Variants in ZNF385D observed in about 807,000 individuals in gnomAD.
ZNF385D encodes zinc finger protein 385D, also known as zinc finger protein 659.
Under a neutral mutation model 35.8 loss-of-function variants are expected in ZNF385D, and 15 were observed. The observed-to-expected ratio is 0.42, with a 90% CI of 0.28 to 0.64. The LOEUF (loss-of-function observed/expected upper bound fraction) is 0.64, where lower values mean the gene tolerates loss of function less well. ZNF385D is among the 30% of genes least tolerant of loss of function. The pLI is 0.23. For synonymous variants in ZNF385D, 212 were observed against 186.8 expected, an observed-to-expected ratio of 1.13 and a Z score of -1.10; for missense variants, 474 against 494.6, an observed-to-expected ratio of 0.96 and a Z score of 0.39.
chr3:21,971,274 T>C (rs577979331), intron 3 of ZNF385D, among the ~76,000 whole-genome samples: 32 of 152,016 alleles, frequency 2.1e-4, no homozygotes, highest in Admixed American at 7.2e-4. Flanking sequence ...ACTTAAGACA[T>C]AGCATAATAA....
rs192879904 is a variant in ZNF385D, at chr3:22,270,033, C to G, written c.107-100998G>C. Among the ~76,000 whole-genome samples, 261 of 151,998 alleles carry G rather than the reference C, an allele frequency of 1.7e-3. 3 individuals carry two copies. Among genetic ancestry groups the G allele is most frequent in the African/African-American group, 5.3e-3 (222 of 41,504 alleles). On this transcript the variant is annotated intron_variant, in intron 2 of 5. Transcript: ENST00000494108. ...CACCTTGCCAAATTGCAGACTCTGGCTCAGACTCTCTGGGGTGGAATCTGA... is the reference window on the plus strand; with the variant it reads ...CACCTTGCCAAATTGCAGACTCTGGGTCAGACTCTCTGGGGTGGAATCTGA...
At chr3:22,067,503 G>T (rs1422313371) in intron 3 of ZNF385D, among the ~76,000 whole-genome samples, 1 of 152,176 alleles carries the variant, frequency 6.6e-6, no homozygotes, top group Non-Finnish European at 1.5e-5. Flanking sequence ...AAAAGGCTTA[G>T]AAATCATCTT....
At chr3:21,489,374 G>C (rs1174026442) in intron 4 of ZNF385D, among the ~76,000 whole-genome samples, 1 of 152,138 alleles carries the variant, frequency 6.6e-6, no homozygotes, top group Non-Finnish European at 1.5e-5. Flanking sequence ...GACAGAGAAA[G>C]CTGGGTATAG....
chr3:21,867,945 A>G (rs694487), intron 3 of ZNF385D, among the ~76,000 whole-genome samples: 69,055 of 151,898 alleles, frequency 0.45, 16,043 homozygotes, highest in African/African-American at 0.53. Context: ...ACAACCACAT[A>G]TGGGTAGTGG....
At chr3:21,756,214 T>C (rs1287663619) in intron 3 of ZNF385D, among the ~76,000 whole-genome samples, 2 of 152,066 alleles carry the variant, frequency 1.3e-5, no homozygotes, top group East Asian at 3.9e-4. Flanking sequence ...GAAGAAACAG[T>C]GGCGGTAGAA....
intron 3 of ZNF385D, among the ~76,000 whole-genome samples, chr3:21,870,086 A>T (rs1481854824): frequency 6.6e-6 from 1 of 152,108 alleles, no homozygotes; most frequent in Non-Finnish European, 1.5e-5. Flanking sequence ...CCAAAAATAT[A>T]CACTAATATA....
chr3:21,952,106 C>G (rs1702094204), intron 3 of ZNF385D, among the ~76,000 whole-genome samples: 1 of 151,934 alleles, frequency 6.6e-6, no homozygotes, highest in African/African-American at 2.4e-5. Flanking sequence ...CCTTCCTATC[C>G]AGAATGTTGC....
intron 2 of ZNF385D, among the ~76,000 whole-genome samples, chr3:22,328,088 C>G (rs748460871): frequency 6.6e-6 from 1 of 151,894 alleles, no homozygotes; most frequent in African/African-American, 2.4e-5. Flanking sequence ...TTCTTTTTGT[C>G]TGATGATTTC....
intron 3 of ZNF385D, among the ~76,000 whole-genome samples, chr3:21,553,976 C>T (rs533194189): frequency 6.6e-6 from 1 of 152,254 alleles, no homozygotes; most frequent in South Asian, 2.1e-4. Flanking sequence ...AGTTTTGAAA[C>T]CCTCAAAGTC....
At chr3:22,192,561 C>G (rs187686168) in intron 2 of ZNF385D, among the ~76,000 whole-genome samples, 23 of 152,254 alleles carry the variant, frequency 1.5e-4, no homozygotes, top group Admixed American at 1.4e-3. Flanking sequence ...GTTGTGAAGA[C>G]ACTCAAGCAA....
intron 2 of ZNF385D, among the ~76,000 whole-genome samples, chr3:22,215,737 T>C (rs766384124): frequency 2.6e-5 from 4 of 152,036 alleles, no homozygotes; most frequent in Non-Finnish European, 4.4e-5. Flanking sequence ...GTGATCTCTG[T>C]GACCCACACC....
intron 3 of ZNF385D, among the ~76,000 whole-genome samples, chr3:21,931,336 T>C (rs1700997347): frequency 6.6e-6 from 1 of 152,132 alleles, no homozygotes; most frequent in African/African-American, 2.4e-5. Context: ...ACTGCACACA[T>C]AGGTGGTGAC....
At chr3:22,072,795 G>A (rs1395862364) in intron 3 of ZNF385D, among the ~76,000 whole-genome samples, 4 of 151,926 alleles carry the variant, frequency 2.6e-5, no homozygotes, top group Non-Finnish European at 5.9e-5. Flanking sequence ...GAATGCAGAA[G>A]AAATAAGGAA....
chr3:21,788,342 G>GT (rs2071788170), intron 3 of ZNF385D, among the ~76,000 whole-genome samples: 1 of 152,160 alleles, frequency 6.6e-6, no homozygotes, highest in South Asian at 2.1e-4. Context: ...GCCGGGCTTG[G>GT]TGGCAGGCGC....
rs189207342 is a variant in ZNF385D, at chr3:22,281,045, C to T, written c.106+91405G>A. On this transcript the variant is annotated intron_variant, in intron 2 of 5. Coordinates refer to the ZNF385D transcript ENST00000494108. Reference sequence around the variant, plus strand: ...CTTGATCTGATTCTCAGCTTGGTCACGGTTGTATAGTAGGGCTACTGATTT... The same window carrying T: ...CTTGATCTGATTCTCAGCTTGGTCATGGTTGTATAGTAGGGCTACTGATTT... Among the ~76,000 whole-genome samples the T allele has an allele frequency of 4.6e-5, 7 of 151,908 alleles. No homozygotes were observed. The East Asian group carries it at 9.7e-4, about 21-fold the overall frequency.
chr3:21,642,297 C>G (rs2065631180), intron 2 of ZNF385D, among the ~76,000 whole-genome samples: 1 of 152,058 alleles, frequency 6.6e-6, no homozygotes. Flanking sequence ...GCAGAGAAAG[C>G]CCTTCTCTTT....
At chr3:21,505,456 T>G (rs1706704066) in intron 4 of ZNF385D, among the ~76,000 whole-genome samples, 1 of 152,166 alleles carries the variant, frequency 6.6e-6, no homozygotes, top group Non-Finnish European at 1.5e-5. Flanking sequence ...CACACACCCC[T>G]ACACGTAGAG....
At chr3:21,994,997 C>G (rs1603663) in intron 3 of ZNF385D, among the ~76,000 whole-genome samples, 77,231 of 152,116 alleles carry the variant, frequency 0.51, 20,596 homozygotes, top group African/African-American at 0.66. Flanking sequence ...GTTAGTGGGT[C>G]CAGGTAGGCC....
At chr3:21,629,370 C>T (rs1157199286) in intron 2 of ZNF385D, among the ~76,000 whole-genome samples, 4 of 152,106 alleles carry the variant, frequency 2.6e-5, no homozygotes, top group Admixed American at 2.6e-4. Context: ...CTTCTCATGT[C>T]CATGTTTTTC....
Sources: allele counts gnomAD v4.1 joint callset (sites outside exome capture counted in the v4.1 genomes callset), GRCh38; gene constraint gnomAD v4.1.1; transcripts MANE v1.5; gene names NCBI Gene and HGNC (gene_info 2026-07-23, HGNC 2026-07-21).